The following FOXN3 variants were observed in gnomAD, a reference collection of about 807,000 sequenced individuals.
FOXN3 encodes the protein forkhead box N3, also known as forkhead box protein N3.
Under a neutral mutation model 38.4 loss-of-function variants are expected in FOXN3, and 7 were observed. The observed-to-expected ratio is 0.18, with a 90% CI of 0.10 to 0.34. The LOEUF (loss-of-function observed/expected upper bound fraction) is 0.34, where lower values mean the gene tolerates loss of function less well. Ranked by LOEUF, FOXN3 falls within the 10% of genes least tolerant of loss-of-function variation. The pLI, the probability that FOXN3 is intolerant of heterozygous loss-of-function variation, is 1.00. For synonymous variants in FOXN3, 230 were observed against 242.2 expected (o/e 0.95, Z 0.47); for missense variants, 456 against 613.4 (o/e 0.74, Z 2.71).
chr14:89,301,552 G>A (rs576838766), intron 3 of FOXN3, among the ~76,000 whole-genome samples: 41 of 152,020 alleles, frequency 2.7e-4, no homozygotes, highest in South Asian at 2.3e-3. Context: ...GATGGATCAC[G>A]AGGTCAGGAG....
intron 2 of FOXN3, among the ~76,000 whole-genome samples, chr14:89,385,018 G>C (rs1026487293): frequency 1.3e-5 from 2 of 152,168 alleles, no homozygotes; most frequent in African/African-American, 4.8e-5. Flanking sequence ...ACCAGGGAAG[G>C]AGAATTATGG....
intron 1 of FOXN3, among the ~76,000 whole-genome samples, chr14:89,559,112 C>G (rs926654724): frequency 6.6e-6 from 1 of 151,992 alleles, no homozygotes; most frequent in Non-Finnish European, 1.5e-5. Flanking sequence ...GTAATCCCAG[C>G]ACTTTACTTT....
chr14:89,428,723 G>GCT (rs1175358370), intron 1 of FOXN3, among the ~76,000 whole-genome samples: 1 of 152,246 alleles, frequency 6.6e-6, no homozygotes, highest in African/African-American at 2.4e-5. Flanking sequence ...AGTGCCTGTT[G>GCT]CTCGCAGCAG....
chr14:89,482,427 C>T (rs1483452368), intron 1 of FOXN3, among the ~76,000 whole-genome samples: 2 of 152,044 alleles, frequency 1.3e-5, no homozygotes, highest in African/African-American at 2.4e-5. Context: ...TTGAGACCAG[C>T]CTGAACAACA....
In FOXN3 at chr14:89,336,558, A is replaced by C. The variant is rs564056204; in HGVS notation, c.680+14114T>G. ...CAGAACAGTCAGATGAGGCCGGCTC[A>C]GGTCCCAGCTCAGCCATCTGCAAGC... On this transcript the variant is annotated intron_variant, in intron 3 of 5. Transcript: ENST00000557258. Among the ~76,000 whole-genome samples the C allele has an allele frequency of 2.0e-5, 3 of 152,216 alleles. No homozygotes were observed. The East Asian group carries it at 5.8e-4, about 29-fold the overall frequency.
chr14:89,353,933 T>G (rs929473260), intron 2 of FOXN3: 1 of 151,972 alleles, frequency 6.6e-6, no homozygotes, highest in African/African-American at 2.4e-5. Flanking sequence ...GGTTTCACCA[T>G]GTTGGCCAGG....
chr14:89,602,106 T>A (rs946001401), intron 1 of FOXN3, among the ~76,000 whole-genome samples: 4 of 152,084 alleles, frequency 2.6e-5, no homozygotes, highest in African/African-American at 9.7e-5. Flanking sequence ...CTGGTCAACA[T>A]GGAGAAAGCC....
chr14:89,195,796 G>C (rs138056201), intron 4 of FOXN3, among the ~76,000 whole-genome samples: 1 of 152,196 alleles, frequency 6.6e-6, no homozygotes, highest in Admixed American at 6.5e-5. Context: ...GAACAAGCAA[G>C]TGCCACCTTT....
At chr14:89,396,429 T>C (rs1891099740) in intron 2 of FOXN3, among the ~76,000 whole-genome samples, 1 of 152,186 alleles carries the variant, frequency 6.6e-6, no homozygotes, top group Non-Finnish European at 1.5e-5. Context: ...CCCAGATTCT[T>C]CATGTATAAA....
At chr14:89,463,106 G>A (rs61996467) in intron 1 of FOXN3, among the ~76,000 whole-genome samples, 95,729 of 150,114 alleles carry the variant, frequency 0.64, 31,055 homozygotes, top group Middle Eastern at 0.75. Flanking sequence ...TGGCTAACAC[G>A]GTGAAACCCC....
At chr14:89,505,540 G>C (rs1340577554) in intron 1 of FOXN3, among the ~76,000 whole-genome samples, 1 of 152,198 alleles carries the variant, frequency 6.6e-6, no homozygotes, top group Admixed American at 6.5e-5. Context: ...GCCTCCCGAG[G>C]TGCCGGGATG....
At chr14:89,464,672 C>A (rs1428257992) in intron 1 of FOXN3, among the ~76,000 whole-genome samples, 1 of 151,984 alleles carries the variant, frequency 6.6e-6, no homozygotes, top group Non-Finnish European at 1.5e-5. Context: ...GGGGCAGTTA[C>A]CCCCATGCTG....
intron 1 of FOXN3, among the ~76,000 whole-genome samples, chr14:89,444,658 A>T (rs981864106): frequency 3.3e-5 from 5 of 152,154 alleles, no homozygotes; most frequent in African/African-American, 9.7e-5. Context: ...TTTCATCAGA[A>T]ATAAGATTTT....
chr14:89,275,134 A>G (rs2139909344), intron 4 of FOXN3, among the ~76,000 whole-genome samples: 1 of 152,300 alleles, frequency 6.6e-6, no homozygotes, highest in African/African-American at 2.4e-5. Context: ...CTGCCCAAGA[A>G]ACCAACACAG....
rs76752178 is a variant in FOXN3 at position 89,538,053 on chromosome 14, G to C, written c.-15+80975C>G. On this transcript the variant is annotated intron_variant, in intron 1 of 6. Transcript: ENST00000345097. ...TACTAATTAAATGAGACAACAGGAG[G>C]TATCATTTTCCAAATGGAACCCTAG... Among the ~76,000 whole-genome samples the C allele has an allele frequency of 9.8e-3, 1,491 of 152,250 alleles. 14 individuals are homozygous for C. Among genetic ancestry groups the C allele is most frequent in the African/African-American group, 0.033 (1,384 of 41,544 alleles).
chr14:89,450,434 C>T (rs887924291), intron 1 of FOXN3, among the ~76,000 whole-genome samples: 2 of 152,082 alleles, frequency 1.3e-5, no homozygotes, highest in Non-Finnish European at 2.9e-5. Flanking sequence ...AATGTGCCTC[C>T]GTAGAATGCC....
chr14:89,359,758 G>A (rs1889383833), intron 2 of FOXN3, among the ~76,000 whole-genome samples: 2 of 152,200 alleles, frequency 1.3e-5, no homozygotes, highest in African/African-American at 4.8e-5. Context: ...TTAAGGAGGA[G>A]AGGCCCTGAC....
At chr14:89,194,282 C>A (rs933641313) in intron 4 of FOXN3, among the ~76,000 whole-genome samples, 1 of 152,144 alleles carries the variant, frequency 6.6e-6, no homozygotes. Flanking sequence ...CAAGTGTCAT[C>A]TTTTATGTTT....
chr14:89,378,409 C>A (rs1370957513), intron 2 of FOXN3, among the ~76,000 whole-genome samples: 2 of 152,202 alleles, frequency 1.3e-5, no homozygotes, highest in African/African-American at 2.4e-5. Flanking sequence ...GGGGACAGCC[C>A]TTGCTGCCTG....
Sources: allele counts gnomAD v4.1 joint callset (sites outside exome capture counted in the v4.1 genomes callset), GRCh38; gene constraint gnomAD v4.1.1; transcripts MANE v1.5; gene names NCBI Gene and HGNC (gene_info 2026-07-23, HGNC 2026-07-21).